Variants in MYRIP observed in about 807,000 individuals in gnomAD.
MYRIP encodes rab effector MyRIP.
In MYRIP, 49 loss-of-function variants were observed where a neutral mutation model predicts 98.0. That is an observed-to-expected ratio of 0.50 (90% CI 0.40 to 0.63). MYRIP has a LOEUF of 0.63. MYRIP is among the 30% of genes least tolerant of loss of function. The probability of loss-of-function intolerance (pLI) is 0.00; values close to 1 mark genes in which losing one functional copy is unlikely to be tolerated. For synonymous variants in MYRIP, 404 were observed against 409.5 expected (o/e 0.99, Z 0.16); for missense variants, 1,004 against 1,058.2 (o/e 0.95, Z 0.71).
intron 2 of MYRIP, among the ~76,000 whole-genome samples, chr3:40,019,404 G>A (rs1312580941): frequency 6.6e-6 from 1 of 152,098 alleles, no homozygotes; most frequent in East Asian, 1.9e-4. Context: ...TCTCCTGCTA[G>A]TGAACTCCTG....
At chr3:40,223,955 C>T (rs1206871611) in intron 11 of MYRIP, among the ~76,000 whole-genome samples, 1 of 149,668 alleles carries the variant, frequency 6.7e-6, no homozygotes, top group Non-Finnish European at 1.5e-5. Flanking sequence ...TGAACTGAGA[C>T]CCAAATGGCA....
chr3:39,976,745 A>G (rs1292638095), intron 2 of MYRIP, among the ~76,000 whole-genome samples: 3 of 152,208 alleles, frequency 2.0e-5, no homozygotes, highest in African/African-American at 2.4e-5. Flanking sequence ...TGTCCTTTGT[A>G]GGGACATGGA....
chr3:40,124,094 T>C (rs900134581), intron 3 of MYRIP, among the ~76,000 whole-genome samples: 1 of 152,172 alleles, frequency 6.6e-6, no homozygotes, highest in Non-Finnish European at 1.5e-5. Context: ...CATATTCTAG[T>C]GAATGAACAA....
intron 1 of MYRIP, among the ~76,000 whole-genome samples, chr3:39,814,236 A>C (rs1371923441): frequency 6.6e-6 from 1 of 152,154 alleles, no homozygotes; most frequent in African/African-American, 2.4e-5. Context: ...ATTGTGTTGG[A>C]GTTCCTTGTA....
intron 1 of MYRIP, among the ~76,000 whole-genome samples, chr3:39,858,654 G>A (rs909501368): frequency 7.2e-6 from 1 of 138,318 alleles, no homozygotes; most frequent in African/African-American, 2.7e-5. Flanking sequence ...AAAAAAAGTT[G>A]TAACAAATTC....
At chr3:39,895,575 T>C (rs1943588576) in intron 1 of MYRIP, among the ~76,000 whole-genome samples, 1 of 152,304 alleles carries the variant, frequency 6.6e-6, no homozygotes, top group Non-Finnish European at 1.5e-5. Context: ...TGGGTGTTAC[T>C]TTTAGTTTAT....
intron 3 of MYRIP, among the ~76,000 whole-genome samples, chr3:40,118,120 C>T (rs1357105021): frequency 6.6e-6 from 1 of 152,154 alleles, no homozygotes; most frequent in African/African-American, 2.4e-5. Flanking sequence ...TGAAACAATG[C>T]TTAGCCTCTC....
chr3:39,907,665 T>C (rs918415667), intron 2 of MYRIP, among the ~76,000 whole-genome samples: 7 of 152,178 alleles, frequency 4.6e-5, no homozygotes, highest in African/African-American at 1.7e-4. Flanking sequence ...CACAGCGACA[T>C]AGCCTAGTAT....
intron 2 of MYRIP, among the ~76,000 whole-genome samples, chr3:39,919,949 G>C (rs1461066415): frequency 6.6e-6 from 1 of 152,040 alleles, no homozygotes; most frequent in African/African-American, 2.4e-5. Flanking sequence ...TACCTGACTT[G>C]TGACCTTGGG....
At chr3:39,968,716 G>A (rs1945504406) in intron 2 of MYRIP, among the ~76,000 whole-genome samples, 1 of 152,060 alleles carries the variant, frequency 6.6e-6, no homozygotes. Flanking sequence ...TGCTGTTTTG[G>A]TTACCAAAGC....
At chr3:40,198,364 T>C (rs888983539) in intron 10 of MYRIP, among the ~76,000 whole-genome samples, 4 of 152,092 alleles carry the variant, frequency 2.6e-5, no homozygotes, top group African/African-American at 7.2e-5. Context: ...TGGACCAAGA[T>C]TGGAGGTTGA....
intron 1 of MYRIP, among the ~76,000 whole-genome samples, chr3:39,875,455 C>A (rs1274140764): frequency 1.3e-5 from 2 of 151,426 alleles, no homozygotes; most frequent in African/African-American, 4.9e-5. Flanking sequence ...TTGGATCTTT[C>A]CTGCTTTCTC....
chr3:40,174,492 A>G (rs1950703081), intron 8 of MYRIP: 1 of 152,248 alleles, frequency 6.6e-6, no homozygotes, highest in East Asian at 1.9e-4. Flanking sequence ...GAAATCTGTT[A>G]TGTACCCAGC....
intron 10 of MYRIP, among the ~76,000 whole-genome samples, chr3:40,202,874 C>T (rs1016769367): frequency 6.6e-6 from 1 of 152,186 alleles, no homozygotes; most frequent in East Asian, 1.9e-4. Context: ...CTTCCCCCAC[C>T]ACTCATATCC....
intron 1 of MYRIP, among the ~76,000 whole-genome samples, chr3:39,870,119 C>T (rs550047674): frequency 6.6e-6 from 1 of 152,272 alleles, no homozygotes; most frequent in Admixed American, 6.5e-5. Context: ...AGGGCAGGGG[C>T]AGGGGCATAG....
chr3:40,186,340 A>T (rs766449748), intron 9 of MYRIP, among the ~76,000 whole-genome samples: 4 of 152,184 alleles, frequency 2.6e-5, no homozygotes, highest in African/African-American at 4.8e-5. Context: ...TAATATGAGG[A>T]TCTGAAGACC....
At chr3:40,190,985 T>C (rs1014586087) in intron 10 of MYRIP, among the ~76,000 whole-genome samples, 11 of 152,204 alleles carry the variant, frequency 7.2e-5, no homozygotes, top group Non-Finnish European at 1.5e-4. Flanking sequence ...AAGGTGTTCA[T>C]GACAAGTGAA....
At chr3:39,982,108 A>G (rs764868635) in intron 2 of MYRIP, among the ~76,000 whole-genome samples, 1 of 152,240 alleles carries the variant, frequency 6.6e-6, no homozygotes, top group Non-Finnish European at 1.5e-5. Flanking sequence ...CAATACATCT[A>G]AAGTGCTGAA....
At chr3:39,867,679 A>C (rs1459903085) in intron 1 of MYRIP, among the ~76,000 whole-genome samples, 2 of 152,232 alleles carry the variant, frequency 1.3e-5, no homozygotes, top group Non-Finnish European at 2.9e-5. Context: ...AGAAAAGGGA[A>C]TCCATGTGCA....
Sources: gnomAD v4.1 joint callset for allele counts (sites outside exome capture counted in the v4.1 genomes callset) on GRCh38, gnomAD v4.1.1 for gene constraint, MANE v1.5 for transcripts, NCBI Gene and HGNC (gene_info 2026-07-23, HGNC 2026-07-21) for gene names.